The following ITPR1 variants were observed in gnomAD, a reference collection of about 807,000 sequenced individuals.
The protein encoded by ITPR1 is inositol 1,4,5-trisphosphate-gated calcium channel ITPR1.
A neutral mutation model predicts 318.4 loss-of-function variants in ITPR1; 96 were observed. The observed-to-expected ratio is 0.30, with a 90% confidence interval of 0.26 to 0.36. ITPR1 has a LOEUF of 0.36. Ranked by LOEUF, ITPR1 falls within the 10% of genes least tolerant of loss-of-function variation. ITPR1 has a pLI of 1.00. For missense variants in ITPR1, 2,440 were observed against 3,460.2 expected, an observed-to-expected ratio of 0.71 and a Z score of 7.40; for synonymous variants, 1,312 against 1,289.9, an observed-to-expected ratio of 1.02 and a Z score of -0.37.
intron 33 of ITPR1, among the ~76,000 whole-genome samples, chr3:4,694,795 AC>A (rs1181285404): frequency 6.6e-6 from 1 of 152,244 alleles, no homozygotes; most frequent in Non-Finnish European, 1.5e-5. Flanking sequence ...ATTAGTCAGT[AC>A]CTGACCATAC....
chr3:4,791,801 A>C (rs1050547218), intron 52 of ITPR1, among the ~76,000 whole-genome samples: 11 of 152,244 alleles, frequency 7.2e-5, no homozygotes, highest in Non-Finnish European at 1.2e-4. Context: ...GAGAAAAGGT[A>C]GGATTTGAGT....
intron 4 of ITPR1, among the ~76,000 whole-genome samples, chr3:4,621,809 G>A (rs2092646418): frequency 1.3e-5 from 2 of 152,214 alleles, no homozygotes; most frequent in African/African-American, 2.4e-5. Flanking sequence ...CCCTCTGCCT[G>A]AGGGGCTTGG....
intron 30 of ITPR1, 58 bp from the exon 31 acceptor site, chr3:4,688,437 G>A (rs1574865953): frequency 1.0e-5 from 16 of 1,604,868 alleles, no homozygotes; most frequent in East Asian, 8.9e-5. Flanking sequence ...GTTGGGTATA[G>A]GAGAAGCTGG....
chr3:4,689,390 G>A (rs1482970076), intron 31 of ITPR1, among the ~76,000 whole-genome samples: 1 of 152,188 alleles, frequency 6.6e-6, no homozygotes, highest in Non-Finnish European at 1.5e-5. Context: ...TATAGGTTGA[G>A]CATCCCAGAT....
chr3:4,719,344 C>T (rs2041986584), intron 40 of ITPR1, among the ~76,000 whole-genome samples: 1 of 152,220 alleles, frequency 6.6e-6, no homozygotes, highest in Non-Finnish European at 1.5e-5. Flanking sequence ...GGATCTGGCC[C>T]TCTCAGCGGA....
chr3:4,827,036 G>C (rs553656659), intron 60 of ITPR1, among the ~76,000 whole-genome samples: 1 of 152,280 alleles, frequency 6.6e-6, no homozygotes, highest in Admixed American at 6.5e-5. Flanking sequence ...TCTCCCCATT[G>C]GCTACTTCGT....
At chr3:4,729,300 A>C (rs2042740055) in intron 42 of ITPR1, among the ~76,000 whole-genome samples, 1 of 152,246 alleles carries the variant, frequency 6.6e-6, no homozygotes, top group South Asian at 2.1e-4. Flanking sequence ...TGAGCTGTGC[A>C]CATGAAGCCC....
chr3:4,764,071 G>C (rs1358466783), intron 44 of ITPR1, among the ~76,000 whole-genome samples: 1 of 152,242 alleles, frequency 6.6e-6, no homozygotes, highest in Non-Finnish European at 1.5e-5. Context: ...TTAGCGGGCA[G>C]TCCTCTGTAA....
chr3:4,733,014 G>C (rs2043033477), intron 42 of ITPR1, 74 bp from the exon 43 acceptor site: 1 of 1,454,656 alleles, frequency 6.9e-7, no homozygotes, highest in African/African-American at 1.4e-5. Context: ...GAGTACCCCT[G>C]TGTGTTTTGA....
At chr3:4,594,583 G>A (rs1238847608) in intron 4 of ITPR1, among the ~76,000 whole-genome samples, 1 of 152,098 alleles carries the variant, frequency 6.6e-6, no homozygotes, top group Non-Finnish European at 1.5e-5. Flanking sequence ...ATCGTAAGAT[G>A]GCTACGCTAG....
chr3:4,794,325 GTC>G (rs2047755955), intron 52 of ITPR1, among the ~76,000 whole-genome samples: 1 of 152,190 alleles, frequency 6.6e-6, no homozygotes, highest in East Asian at 1.9e-4. Flanking sequence ...TGTCCAAAGC[GTC>G]TCTGTCTCTT....
intron 1 of ITPR1, among the ~76,000 whole-genome samples, chr3:4,493,891 T>TC (rs2080337982): frequency 6.6e-6 from 1 of 150,772 alleles, no homozygotes; most frequent in South Asian, 2.1e-4. Flanking sequence ...TAGTTCTTTT[T>TC]TTTTTTTTTT....
At chr3:4,832,349 C>T (rs1376455950) in intron 60 of ITPR1, among the ~76,000 whole-genome samples, 1 of 152,154 alleles carries the variant, frequency 6.6e-6, no homozygotes, top group Non-Finnish European at 1.5e-5. Context: ...AGCACATGGC[C>T]CATGTGGCCT....
intron 55 of ITPR1, among the ~76,000 whole-genome samples, chr3:4,808,638 C>G (rs1386734634): frequency 1.3e-5 from 2 of 152,148 alleles, no homozygotes; most frequent in Non-Finnish European, 2.9e-5. Context: ...CTTTTGGTAT[C>G]AAAGCAGTAC....
At chr3:4,783,242 C>G (rs2046946647) in intron 50 of ITPR1, among the ~76,000 whole-genome samples, 1 of 152,142 alleles carries the variant, frequency 6.6e-6, no homozygotes, top group Non-Finnish European at 1.5e-5. Flanking sequence ...TTCCAAGCGG[C>G]TGGGTTTTTG....
At chr3:4,507,405 G>A (rs1461685560) in intron 2 of ITPR1, among the ~76,000 whole-genome samples, 1 of 152,192 alleles carries the variant, frequency 6.6e-6, no homozygotes, top group Non-Finnish European at 1.5e-5. Flanking sequence ...AGAAATTGAA[G>A]GCTTAAGTGA....
Position 4,662,011 on chromosome 3 carries a change from T to C in ITPR1, c.1252-71T>C. On this transcript the variant is annotated intron_variant, in intron 14 of 61. Coordinates refer to ENST00000649015, the MANE Select transcript of ITPR1 (RefSeq NM_001378452.1). ...TTGGGATCAGCCAGTGTCTCGTAAA[T>C]GTAGTGTTTGATTAAAGTCTTATCC... 3 of 1,329,534 alleles carry C rather than the reference T, an allele frequency of 2.3e-6. No homozygotes were observed. The Admixed American group carries it at 5.4e-5, about 24-fold the overall frequency. The allele number at this position is 1,329,534 out of a possible 1,614,324, so 82.4% of individuals were successfully genotyped here.
chr3:4,640,184 A>G (rs2093304903), intron 6 of ITPR1, among the ~76,000 whole-genome samples: 1 of 152,128 alleles, frequency 6.6e-6, no homozygotes, highest in African/African-American at 2.4e-5. Flanking sequence ...ATCTTCCTTC[A>G]TTATTTTCCT....
At chr3:4,660,454 A>G (rs1359713508) in intron 13 of ITPR1, among the ~76,000 whole-genome samples, 1 of 151,072 alleles carries the variant, frequency 6.6e-6, no homozygotes, top group Non-Finnish European at 1.5e-5. Context: ...TATATAGATT[A>G]TATAAAATTT....
Sources: allele counts gnomAD v4.1 joint callset (sites outside exome capture counted in the v4.1 genomes callset), GRCh38; gene constraint gnomAD v4.1.1; transcripts MANE v1.5; gene names NCBI Gene and HGNC (gene_info 2026-07-23, HGNC 2026-07-21).